Variants in CIAPIN1 observed in about 807,000 individuals in gnomAD.
The protein encoded by CIAPIN1 is cytokine induced apoptosis inhibitor 1.
In CIAPIN1, 18 loss-of-function variants were observed where a neutral mutation model predicts 34.3. The ratio of observed to expected loss-of-function variants is 0.52; its 90% confidence interval spans 0.36 to 0.78. CIAPIN1 has a LOEUF of 0.78. Among genes scored for constraint, CIAPIN1 ranks in the 30% least tolerant of loss-of-function variants. The probability of loss-of-function intolerance (pLI) is 0.00; values close to 1 mark genes in which losing one functional copy is unlikely to be tolerated. For synonymous variants in CIAPIN1, 131 were observed against 140.4 expected (o/e 0.93, Z 0.47); for missense variants, 310 against 372.5 (o/e 0.83, Z 1.38).
At chr16:57,430,762 A>G (rs1903068094) in intron 7 of CIAPIN1, 2 of 231,868 alleles carry the variant, frequency 8.6e-6, no homozygotes, top group Non-Finnish European at 1.7e-5. Context: ...ACTTTCTACA[A>G]TCCTTCCCAT....
intron 2 of CIAPIN1, among the ~76,000 whole-genome samples, chr16:57,439,679 G>A (rs184790850): frequency 9.9e-4 from 150 of 152,242 alleles, no homozygotes; most frequent in Middle Eastern, 3.4e-3. Context: ...AATTTCTTAC[G>A]CCTGTCTTTA....
intron 4 of CIAPIN1, 93 bp downstream of exon 4, chr16:57,436,563 A>G (rs545110932): frequency 7.4e-6 from 7 of 948,752 alleles, no homozygotes; most frequent in African/African-American, 5.0e-5. Context: ...AGCATCATGT[A>G]TCTTACATGC....
intron 3 of CIAPIN1, among the ~76,000 whole-genome samples, chr16:57,438,175 AAT>A (rs2146565979): frequency 6.6e-6 from 1 of 152,342 alleles, no homozygotes; most frequent in East Asian, 1.9e-4. Context: ...TACATTTCAA[AAT>A]ACTTTCATTT....
rs372828999 is a variant in CIAPIN1, at chr16:57,438,473, C to A, written c.310+709G>T. Among the ~76,000 whole-genome samples, 6 of 152,190 alleles carry A rather than the reference C, an allele frequency of 3.9e-5. 1 individual carries two copies. The highest frequency in any genetic ancestry group is 2.6e-4 in the Admixed American group (4 of 15,278). ...AGGAGGTCTTCACTTCGTCCCTCCC[C>A]ACAGTTAACATCTTACCCAATTATA... On this transcript the variant is annotated intron_variant, in intron 3 of 8. Coordinates refer to ENST00000394391, the MANE Select transcript of CIAPIN1 (RefSeq NM_020313.4).
At chr16:57,442,300 C>T (rs1403702948) in intron 1 of CIAPIN1, among the ~76,000 whole-genome samples, 2 of 151,780 alleles carry the variant, frequency 1.3e-5, no homozygotes, top group Admixed American at 6.6e-5. Flanking sequence ...GAGCCAAGAT[C>T]GTGCCGCTGC....
intron 1 of CIAPIN1, among the ~76,000 whole-genome samples, chr16:57,443,699 C>T (rs1162492067): frequency 6.6e-6 from 1 of 152,192 alleles, no homozygotes; most frequent in Non-Finnish European, 1.5e-5. Flanking sequence ...GATCTGCCCA[C>T]CTCGGCCTCC....
intron 1 of CIAPIN1, among the ~76,000 whole-genome samples, chr16:57,443,062 G>A (rs904759943): frequency 1.2e-4 from 17 of 143,904 alleles, no homozygotes; most frequent in Non-Finnish European, 2.1e-4. Flanking sequence ...TTTCCTTAAT[G>A]ACAGAGGGCA....
chr16:57,433,576 C>T (rs1276830392), intron 5 of CIAPIN1: 3 of 201,516 alleles, frequency 1.5e-5, no homozygotes, highest in Non-Finnish European at 3.1e-5. Flanking sequence ...TGCTTGTACA[C>T]AATTTTCTAG....
At chr16:57,431,042 G>A in intron 7 of CIAPIN1, 109 bp downstream of exon 7, 1 of 617,202 alleles carries the variant, frequency 1.6e-6, no homozygotes, top group East Asian at 2.7e-5. Flanking sequence ...GTCTCCCTGT[G>A]TTGCCCAGCC....
At chr16:57,446,145 T>A (rs752381701) in intron 1 of CIAPIN1, among the ~76,000 whole-genome samples, 3 of 152,130 alleles carry the variant, frequency 2.0e-5, no homozygotes, top group Non-Finnish European at 4.4e-5. Context: ...GCCCAGAATT[T>A]TTTTTAAAAA....
At chr16:57,429,493 CT>C (rs375251477) in intron 8 of CIAPIN1, among the ~76,000 whole-genome samples, 9 of 148,974 alleles carry the variant, frequency 6.0e-5, no homozygotes, top group African/African-American at 7.4e-5. Context: ...GGCCATAGTT[CT>C]TTTTTTTTTG....
At position 57,432,328 on chromosome 16, in the gene CIAPIN1, A is replaced by G. The variant is rs912522234; in HGVS notation, c.630+159T>C. Among the ~76,000 whole-genome samples the G allele has an allele frequency of 1.3e-5, 2 of 152,192 alleles. 1 individual carries two copies. Among genetic ancestry groups the G allele is most frequent in the South Asian group, 4.1e-4 (2 of 4,828 alleles). On this transcript the variant is annotated intron_variant, in intron 6 of 8. Coordinates refer to ENST00000394391, the MANE Select transcript of CIAPIN1 (RefSeq NM_020313.4). ...ACTGTCTCCAAAAAAAAAGCCACCA[A>G]CATGGAGTTTCCTTCTAAATCAAAG... is the stretch of plus-strand genomic sequence containing the variant.
chr16:57,439,286 G>A lies in CIAPIN1; in HGVS notation c.206C>T (p.Pro69Leu). 1 of 1,614,128 alleles carries A rather than the reference G, an allele frequency of 6.2e-7. No individual in the cohort carries two copies. The highest frequency in any genetic ancestry group is 8.5e-7 in the Non-Finnish European group (1 of 1,180,028). ...SFDIILSGLVPGSTTLHSAEI... is the reference protein window; with the variant it reads ...SFDIILSGLVLGSTTLHSAEI... Reference sequence around the variant, plus strand: ...AGCACTGTGCAGAGTGGTGCTTCCTGGGACTAAACCTGACAAAATAATGTC... The same window carrying A: ...AGCACTGTGCAGAGTGGTGCTTCCTAGGACTAAACCTGACAAAATAATGTC... Residue 69 changes from proline (P) to leucine (L), a missense_variant, in exon 3 of 9, where the codon CCA (proline) becomes CTA (leucine). By Grantham distance (98) the Pro-to-Leu change is moderately conservative (BLOSUM62 -3). Transcript: ENST00000394391.
At chr16:57,441,345 A>T (rs1567573819) in intron 1 of CIAPIN1, 1 of 153,300 alleles carries the variant, frequency 6.5e-6, no homozygotes, top group Non-Finnish European at 1.5e-5. Flanking sequence ...CTTGGCAAGG[A>T]AGGCAAATAA....
At chr16:57,437,824 C>T (rs556191096) in intron 3 of CIAPIN1, among the ~76,000 whole-genome samples, 1 of 152,136 alleles carries the variant, frequency 6.6e-6, no homozygotes, top group Non-Finnish European at 1.5e-5. Context: ...CTGTGCCTGG[C>T]CATAGCGATA....
rs1243137310 is a variant in CIAPIN1 at position 57,443,375 on chromosome 16, G to T, written c.-55-2392C>A. On this transcript the variant is annotated intron_variant, in intron 1 of 8. Transcript: ENST00000394391. ...GCTGGTCTTGAACTCCCAGCCTCAG[G>T]TGATCCACCCGCCTCAGCCTCCCAA... Among the ~76,000 whole-genome samples, 7 of 152,240 alleles carry T rather than the reference G, an allele frequency of 4.6e-5. 1 individual carries two copies. Among genetic ancestry groups the T allele is most frequent in the Admixed American group, 6.5e-5 (1 of 15,298 alleles).
chr16:57,430,645 G>GA (rs370742452), intron 7 of CIAPIN1: 169 of 323,644 alleles, frequency 5.2e-4, no homozygotes, highest in African/African-American at 3.1e-3. Context: ...GAACAGAAGG[G>GA]AAAAAAATCT....
intron 1 of CIAPIN1, 54 bp from the exon 2 acceptor site, chr16:57,441,037 G>C: frequency 1.6e-6 from 2 of 1,222,442 alleles, no homozygotes; most frequent in Non-Finnish European, 2.3e-6. Context: ...AATATGATTA[G>C]AATCCCAACC....
rs146238938 is a variant in CIAPIN1 at position 57,428,929 on chromosome 16, A to C, written c.*241T>G. On this transcript the variant is annotated 3_prime_UTR_variant, in exon 9 of 9. Transcript: ENST00000394391. ...TCAGGACACACTCCCTTCTCTTAAC[A>C]TGAGGTGAAGAAACCCATCCCATTC... 5 of 462,770 alleles carry C rather than the reference A, an allele frequency of 1.1e-5. No individual in the cohort carries two copies. Among genetic ancestry groups the C allele is most frequent in the Non-Finnish European group, 2.0e-5 (5 of 256,128 alleles). The allele number at this position is 462,770 out of a possible 1,614,324, so 28.7% of individuals were successfully genotyped here.
Sources: allele counts gnomAD v4.1 joint callset (sites outside exome capture counted in the v4.1 genomes callset), GRCh38; gene constraint gnomAD v4.1.1; transcripts MANE v1.5; gene names NCBI Gene and HGNC (gene_info 2026-07-23, HGNC 2026-07-21).